The following DGKB variants were observed in gnomAD, a reference collection of about 807,000 sequenced individuals.
DGKB encodes diacylglycerol kinase beta, also known as 90 kDa diacylglycerol kinase.
Under a neutral mutation model 114.3 loss-of-function variants are expected in DGKB, and 67 were observed. That is an observed-to-expected ratio of 0.59 (90% CI 0.48 to 0.72). DGKB has a LOEUF of 0.72. Among genes scored for constraint, DGKB ranks in the 30% least tolerant of loss-of-function variants. The probability of loss-of-function intolerance (pLI) is 0.00; values close to 1 mark genes in which losing one functional copy is unlikely to be tolerated. For synonymous variants in DGKB, 398 were observed against 323.1 expected, an observed-to-expected ratio of 1.23 and a Z score of -2.49; for missense variants, 907 against 975.2, an observed-to-expected ratio of 0.93 and a Z score of 0.93.
At chr7:14,809,487 G>T (rs2128074398) in intron 2 of DGKB, among the ~76,000 whole-genome samples, 1 of 152,228 alleles carries the variant, frequency 6.6e-6, no homozygotes, top group Non-Finnish European at 1.5e-5. Context: ...CCATCCCCAA[G>T]AACATGGAGG....
chr7:14,443,378 T>A (rs555061504), intron 21 of DGKB, among the ~76,000 whole-genome samples: 1 of 152,272 alleles, frequency 6.6e-6, no homozygotes, highest in African/African-American at 2.4e-5. Context: ...TTTCTTCTCG[T>A]AAGCAAAACC....
chr7:14,473,546 T>C (rs1169947083), intron 21 of DGKB, among the ~76,000 whole-genome samples: 2 of 152,090 alleles, frequency 1.3e-5, no homozygotes, highest in African/African-American at 4.8e-5. Flanking sequence ...CACCACCTAG[T>C]GGAGCTGTGA....
chr7:14,416,920 T>C (rs561940733), intron 21 of DGKB, among the ~76,000 whole-genome samples: 1 of 152,200 alleles, frequency 6.6e-6, no homozygotes, highest in East Asian at 1.9e-4. Context: ...TTGCCTTCAA[T>C]GAACAAGATT....
At chr7:14,632,511 G>A (rs1809921503) in intron 13 of DGKB, among the ~76,000 whole-genome samples, 1 of 151,666 alleles carries the variant, frequency 6.6e-6, no homozygotes, top group Non-Finnish European at 1.5e-5. Context: ...TTTATTGTTA[G>A]TGAATATTTT....
intron 23 of DGKB, among the ~76,000 whole-genome samples, chr7:14,237,808 G>GT (rs541677539): frequency 6.6e-6 from 1 of 151,718 alleles, no homozygotes; most frequent in African/African-American, 2.4e-5. Context: ...CAAGACGTTT[G>GT]TTTTTTATTT....
At chr7:14,540,483 T>C (rs2128617794) in intron 20 of DGKB, among the ~76,000 whole-genome samples, 1 of 152,222 alleles carries the variant, frequency 6.6e-6, no homozygotes, top group South Asian at 2.1e-4. Flanking sequence ...AAATCATCAA[T>C]CCAATTAAAT....
At chr7:14,346,013 T>C (rs566494706) in intron 21 of DGKB, among the ~76,000 whole-genome samples, 4 of 151,472 alleles carry the variant, frequency 2.6e-5, no homozygotes, top group African/African-American at 7.2e-5. Context: ...GAAATTTTAT[T>C]CTTGTGAAAA....
At chr7:14,864,608 C>T (rs912675013) in intron 1 of DGKB, among the ~76,000 whole-genome samples, 2 of 152,014 alleles carry the variant, frequency 1.3e-5, no homozygotes, top group African/African-American at 2.4e-5. Context: ...CAATTGATTC[C>T]GGGCTTTAGA....
At chr7:14,574,469 A>G (rs1028806984) in intron 19 of DGKB, 97 bp from the exon 20 acceptor site, 2 of 975,114 alleles carry the variant, frequency 2.1e-6, no homozygotes, top group Non-Finnish European at 3.0e-6. Flanking sequence ...GTAATATTCT[A>G]AAGGTAAATA....
Position 14,178,069 on chromosome 7 carries a change from A to G in DGKB, c.2205T>C (p.Ala735=). 6.2e-7 allele frequency: 1 copy of G among 1,605,948 alleles called. No homozygotes were observed. The highest frequency in any genetic ancestry group is 8.5e-7 in the Non-Finnish European group (1 of 1,177,478). ...MGQIYTGLKS[A]GRRLAQCSCV... The stretch of plus-strand genomic sequence containing the variant: ...AGGAGCACTGAGCCAGCCGCCGGCC[A>G]GCACTTTTCAGGCCTGTGTATATTT... Residue 735 remains alanine, a synonymous_variant, in exon 24 of 26, where the codon GCT becomes GCC. Transcript: ENST00000402815.
intron 23 of DGKB, among the ~76,000 whole-genome samples, chr7:14,287,018 G>A (rs1467056148): frequency 6.6e-6 from 1 of 151,972 alleles, no homozygotes; most frequent in Non-Finnish European, 1.5e-5. Context: ...TATTTTTGGT[G>A]TATGTGGGGG....
intron 2 of DGKB, chr7:14,815,366 G>C (rs867912901): frequency 3.0e-4 from 46 of 152,340 alleles, no homozygotes; most frequent in African/African-American, 1.1e-3. Context: ...CCTTACAGCA[G>C]GTCTCCCTGT....
At chr7:14,433,722 A>G (rs1416753674) in intron 21 of DGKB, among the ~76,000 whole-genome samples, 1 of 152,172 alleles carries the variant, frequency 6.6e-6, no homozygotes, top group Admixed American at 6.5e-5. Flanking sequence ...GGATCTAATT[A>G]AGGGTAGAGT....
intron 16 of DGKB, among the ~76,000 whole-genome samples, chr7:14,610,296 T>C (rs1805299560): frequency 6.6e-6 from 1 of 152,048 alleles, no homozygotes; most frequent in African/African-American, 2.4e-5. Context: ...CTGCATGTAC[T>C]GCACGAAATG....
At chr7:14,219,559 C>A (rs115931262) in intron 23 of DGKB, among the ~76,000 whole-genome samples, 2,122 of 151,774 alleles carry the variant, frequency 0.014, 37 homozygotes, top group African/African-American at 0.039. Context: ...CTCTTCTATA[C>A]GTATATATAC....
chr7:14,795,631 G>A (rs1841299838), intron 2 of DGKB, among the ~76,000 whole-genome samples: 1 of 152,062 alleles, frequency 6.6e-6, no homozygotes, highest in Admixed American at 6.5e-5. Context: ...AAAGGCAATT[G>A]GAGTAATTGG....
In DGKB at chr7:14,334,395, T is replaced by C. The variant is rs754090379; in HGVS notation, c.2122+4120A>G. Reference sequence around the variant, plus strand: ...GTGTGTGTGTGTGTGTGTGTGTGTGTGCGCGCGCGTGTATGTGGGTATGTA... The same window carrying C: ...GTGTGTGTGTGTGTGTGTGTGTGTGCGCGCGCGCGTGTATGTGGGTATGTA... On this transcript the variant is annotated intron_variant, in intron 23 of 25. Transcript: ENST00000402815. 3.0e-3 allele frequency among the ~76,000 whole-genome samples: 265 copies of C among 89,078 alleles called. 1 individual carries two copies. Among genetic ancestry groups the C allele is most frequent in the Admixed American group, 9.3e-3 (87 of 9,308 alleles). 58.4% of individuals were successfully genotyped at this position (89,078 alleles called of 152,430 possible). A position where few individuals can be genotyped will look rare whatever the true frequency, so the allele number is the denominator to read the frequency against.
At chr7:14,796,362 C>T (rs1015748346) in intron 2 of DGKB, among the ~76,000 whole-genome samples, 1 of 152,102 alleles carries the variant, frequency 6.6e-6, no homozygotes, top group African/African-American at 2.4e-5. Flanking sequence ...ACAATTCTGC[C>T]TAAAAAATTA....
chr7:14,645,976 T>C (rs916576964), intron 13 of DGKB, among the ~76,000 whole-genome samples: 4 of 151,906 alleles, frequency 2.6e-5, no homozygotes, highest in Non-Finnish European at 5.9e-5. Context: ...ACAAAACAAA[T>C]ACAAAACAAT....
Sources: gnomAD v4.1 joint callset for allele counts (sites outside exome capture counted in the v4.1 genomes callset) on GRCh38, gnomAD v4.1.1 for gene constraint, MANE v1.5 for transcripts, NCBI Gene and HGNC (gene_info 2026-07-23, HGNC 2026-07-21) for gene names.